CAST: variants seen among roughly 807,000 people sequenced by gnomAD.
The protein encoded by CAST is MIR583 host.
In CAST, 76 loss-of-function variants were observed where a neutral mutation model predicts 119.6. The observed-to-expected ratio is 0.64, with a 90% CI of 0.53 to 0.77. The LOEUF (loss-of-function observed/expected upper bound fraction) is 0.77, where lower values mean the gene tolerates loss of function less well. Ranked by LOEUF, CAST falls within the 30% of genes least tolerant of loss-of-function variation. The pLI is 0.00. For missense variants in CAST, 953 were observed against 946.5 expected (o/e 1.01, Z -0.09); for synonymous variants, 319 against 331.6 (o/e 0.96, Z 0.41).
the CAST span, among the ~76,000 whole-genome samples, chr5:96,100,224 C>T: frequency 6.6e-6 from 1 of 152,112 alleles, no homozygotes; most frequent in Admixed American, 6.5e-5. Context: ...TGTCAGTGGC[C>T]TTAGTCTTAT....
At chr5:96,069,710 A>G in the CAST span, among the ~76,000 whole-genome samples, 1 of 116,572 alleles carries the variant, frequency 8.6e-6, no homozygotes, top group East Asian at 2.5e-4. Context: ...TGTGTTGCCT[A>G]GGCTGGTCTT....
the CAST span, among the ~76,000 whole-genome samples, chr5:96,239,580 T>G: frequency 6.6e-6 from 1 of 152,052 alleles, no homozygotes; most frequent in African/African-American, 2.4e-5. Context: ...AGATGTGTGG[T>G]TTTTTCCACT....
At chr5:96,383,975 G>C in the CAST span, among the ~76,000 whole-genome samples, 2 of 152,132 alleles carry the variant, frequency 1.3e-5, no homozygotes, top group Non-Finnish European at 2.9e-5. Flanking sequence ...AGATGAGTAG[G>C]AGGCCGACCT....
the CAST span, among the ~76,000 whole-genome samples, chr5:96,247,395 G>T: frequency 1.3e-5 from 2 of 152,236 alleles, no homozygotes; most frequent in Non-Finnish European, 2.9e-5. Context: ...GCTTACTGGT[G>T]CATGGCTGTG....
At chr5:96,563,917 C>T (rs1410255375) in intron 1 of CAST, among the ~76,000 whole-genome samples, 2 of 152,202 alleles carry the variant, frequency 1.3e-5, no homozygotes, top group African/African-American at 2.4e-5. Context: ...TTTAGCAAGA[C>T]TCAGGCTGTC....
intron 1 of CAST, among the ~76,000 whole-genome samples, chr5:96,562,661 G>T (rs1442069194): frequency 6.6e-6 from 1 of 152,182 alleles, no homozygotes; most frequent in Non-Finnish European, 1.5e-5. Context: ...TTGCATAGGT[G>T]TGAAATGACA....
At chr5:96,452,716 C>T in the CAST span, among the ~76,000 whole-genome samples, 34 of 140,816 alleles carry the variant, frequency 2.4e-4, no homozygotes, top group Non-Finnish European at 4.1e-4. Flanking sequence ...TTTGGGAGGC[C>T]GAGGCGGGTG....
the CAST span, among the ~76,000 whole-genome samples, chr5:96,255,198 T>G: frequency 6.6e-6 from 1 of 152,108 alleles, no homozygotes; most frequent in Non-Finnish European, 1.5e-5. Flanking sequence ...CCAGGGCTGT[T>G]GGGTTGAACT....
chr5:96,702,650 T>C (rs1754061731), intron 3 of CAST: 2 of 451,278 alleles, frequency 4.4e-6, no homozygotes, highest in South Asian at 9.2e-5. Context: ...GCTGCGTTAT[T>C]GAGTGAGCCA....
the CAST span, among the ~76,000 whole-genome samples, chr5:96,512,237 A>G: frequency 6.6e-6 from 1 of 152,234 alleles, no homozygotes; most frequent in African/African-American, 2.4e-5. Flanking sequence ...TTCTTCCACT[A>G]AAACTGTTAC....
At chr5:96,272,254 T>C in the CAST span, among the ~76,000 whole-genome samples, 1 of 152,212 alleles carries the variant, frequency 6.6e-6, no homozygotes, top group Non-Finnish European at 1.5e-5. Context: ...GTAATTTCAC[T>C]ACTGGGTATG....
the CAST span, among the ~76,000 whole-genome samples, chr5:96,271,097 A>T: frequency 0.048 from 7,328 of 152,230 alleles, 586 homozygotes; most frequent in African/African-American, 0.17. Context: ...GATCTATATA[A>T]GGAAAACTAT....
the CAST span, among the ~76,000 whole-genome samples, chr5:96,298,039 T>A: frequency 6.6e-6 from 1 of 152,238 alleles, no homozygotes. Flanking sequence ...TATACAGATC[T>A]GTTGCCACAT....
At chr5:96,561,848 A>G (rs1419533754) in intron 1 of CAST, among the ~76,000 whole-genome samples, 2 of 116,138 alleles carry the variant, frequency 1.7e-5, no homozygotes, top group African/African-American at 3.3e-5. Flanking sequence ...GCTGGAGTGC[A>G]GTGGCGCGAT....
chr5:96,111,776 G>C, the CAST span, among the ~76,000 whole-genome samples: 7 of 152,224 alleles, frequency 4.6e-5, no homozygotes, highest in African/African-American at 1.7e-4. Context: ...TTATATGTTG[G>C]AGGGCACCAA....
chr5:96,451,125 T>C, the CAST span, among the ~76,000 whole-genome samples: 6 of 152,174 alleles, frequency 3.9e-5, no homozygotes, highest in African/African-American at 1.4e-4. Flanking sequence ...CTGTGATATC[T>C]GTTTAATTGC....
chr5:96,674,749 A>C (rs1429837021), intron 1 of CAST, among the ~76,000 whole-genome samples: 1 of 152,238 alleles, frequency 6.6e-6, no homozygotes. Flanking sequence ...TCTATTGCAC[A>C]GTAGGGTGAC....
chr5:96,687,393 A>G (rs186626825), intron 2 of CAST, among the ~76,000 whole-genome samples: 22 of 152,326 alleles, frequency 1.4e-4, no homozygotes, highest in African/African-American at 4.1e-4. Flanking sequence ...GACACTTCAC[A>G]TGTTATAGAT....
intron 2 of CAST, among the ~76,000 whole-genome samples, chr5:96,688,872 A>G (rs1431608032): frequency 6.6e-6 from 1 of 152,180 alleles, no homozygotes; most frequent in Non-Finnish European, 1.5e-5. Context: ...CCATGCATGT[A>G]TCTGCTTAGA....
Sources: gnomAD v4.1 joint callset for allele counts (sites outside exome capture counted in the v4.1 genomes callset) on GRCh38, gnomAD v4.1.1 for gene constraint, MANE v1.5 for transcripts, NCBI Gene and HGNC (gene_info 2026-07-23, HGNC 2026-07-21) for gene names.